Variants in TMTC1 observed in about 807,000 individuals in gnomAD.
TMTC1 encodes the protein transmembrane O-mannosyltransferase targeting cadherins 1, also known as protein O-mannosyl-transferase TMTC1.
In TMTC1, 73 loss-of-function variants were observed where a neutral mutation model predicts 104.8. That is an observed-to-expected ratio of 0.70 (90% CI 0.58 to 0.85). The LOEUF is 0.85. TMTC1 is among the 40% of genes least tolerant of loss of function. The pLI is 0.00. For missense variants in TMTC1, 1,035 were observed against 1,096.1 expected (o/e 0.94, Z 0.79); for synonymous variants, 434 against 428.7 (o/e 1.01, Z -0.15).
intron 6 of TMTC1, among the ~76,000 whole-genome samples, chr12:29,604,653 G>C (rs759247644): frequency 1.3e-5 from 2 of 152,144 alleles, no homozygotes; most frequent in Non-Finnish European, 2.9e-5. Context: ...CATTCTCAAA[G>C]AGCAAAGCAA....
chr12:29,647,238 T>TC (rs1232444411), intron 5 of TMTC1, among the ~76,000 whole-genome samples: 9 of 152,036 alleles, frequency 5.9e-5, no homozygotes, highest in Non-Finnish European at 1.3e-4. Flanking sequence ...CATGCTGGTC[T>TC]CAAACTCCTG....
At chr12:29,715,790 A>G (rs536176601) in intron 5 of TMTC1, among the ~76,000 whole-genome samples, 7 of 152,232 alleles carry the variant, frequency 4.6e-5, no homozygotes, top group African/African-American at 1.7e-4. Flanking sequence ...AGGAGAGAGA[A>G]TGAGTGCTGA....
Position 29,549,013 on chromosome 12 carries a change from ATAT to A in TMTC1, c.1676+7841_1676+7843del, listed in dbSNP as rs1165114785. Among the ~76,000 whole-genome samples the A allele has an allele frequency of 6.9e-5, 10 of 145,450 alleles. No homozygotes were observed. The Admixed American group carries it at 7.0e-4, about 10-fold the overall frequency. ...ATTAAATATATAAATTATATATTATATATTATATGTTATATATTTATATATTAT... is the reference window on the plus strand; with the variant it reads ...ATTAAATATATAAATTATATATTATATATATGTTATATATTTATATATTAT... On this transcript the variant is annotated intron_variant, in intron 10 of 17. Coordinates refer to ENST00000539277, the MANE Select transcript of TMTC1 (RefSeq NM_001193451.2).
chr12:29,732,064 G>T (rs1591986969), intron 5 of TMTC1, among the ~76,000 whole-genome samples: 2 of 152,152 alleles, frequency 1.3e-5, no homozygotes, highest in East Asian at 3.9e-4. Flanking sequence ...ATTAAGCATT[G>T]TTGTAACTTT....
intron 10 of TMTC1, among the ~76,000 whole-genome samples, chr12:29,537,007 T>C (rs1441545299): frequency 3.3e-5 from 5 of 152,178 alleles, no homozygotes; most frequent in Non-Finnish European, 5.9e-5. Flanking sequence ...TACCATTTTC[T>C]TGGGTAAAAG....
At chr12:29,776,719 T>C (rs1943716468) in intron 1 of TMTC1, among the ~76,000 whole-genome samples, 1 of 95,394 alleles carries the variant, frequency 1.0e-5, no homozygotes, top group Admixed American at 1.4e-4. Flanking sequence ...GGTAAGGAAA[T>C]AAGGGTAAAA....
chr12:29,697,538 T>C (rs1941460677), intron 5 of TMTC1, among the ~76,000 whole-genome samples: 1 of 152,180 alleles, frequency 6.6e-6, no homozygotes, highest in South Asian at 2.1e-4. Flanking sequence ...TAGAAAGAGA[T>C]TTATTAAAAG....
At chr12:29,547,933 T>A (rs1445025165) in intron 10 of TMTC1, among the ~76,000 whole-genome samples, 1 of 152,198 alleles carries the variant, frequency 6.6e-6, no homozygotes, top group Non-Finnish European at 1.5e-5. Flanking sequence ...ATCAACAGTG[T>A]CATATTCTTC....
At chr12:29,667,022 A>G (rs1015517899) in intron 5 of TMTC1, among the ~76,000 whole-genome samples, 5 of 152,208 alleles carry the variant, frequency 3.3e-5, no homozygotes, top group African/African-American at 1.2e-4. Context: ...CTCAAGAAAA[A>G]AGATTTCTCA....
chr12:29,555,134 C>CTTTTTTTTT (rs77513599), intron 10 of TMTC1, among the ~76,000 whole-genome samples: 8 of 88,202 alleles, frequency 9.1e-5, no homozygotes, highest in Admixed American at 1.8e-4. Context: ...TTCCAACATC[C>CTTTTTTTTT]TTTTTTTTTT....
At chr12:29,637,865 A>G (rs767965892) in intron 5 of TMTC1, among the ~76,000 whole-genome samples, 36 of 152,218 alleles carry the variant, frequency 2.4e-4, no homozygotes, top group Admixed American at 5.9e-4. Flanking sequence ...TTTACATAAA[A>G]AAGTTATTGC....
intron 5 of TMTC1, among the ~76,000 whole-genome samples, chr12:29,710,498 T>C (rs4032805): frequency 1 from 147,598 of 147,780 alleles, 73,708 homozygotes; most frequent in Middle Eastern, 1. Context: ...CTTTAGAAGA[T>C]GATTTTTAAA....
At chr12:29,548,827 G>T (rs1301399978) in intron 10 of TMTC1, among the ~76,000 whole-genome samples, 1 of 2,252 alleles carries the variant, frequency 4.4e-4, no homozygotes, top group Admixed American at 7.7e-3. Context: ...TATATTGCTT[G>T]ATTATATCAC....
At chr12:29,774,705 T>G (rs1943669665) in intron 1 of TMTC1, among the ~76,000 whole-genome samples, 1 of 152,246 alleles carries the variant, frequency 6.6e-6, no homozygotes, top group African/African-American at 2.4e-5. Flanking sequence ...CATCTGGTTC[T>G]TCTCATTTCT....
At chr12:29,567,390 A>C (rs1450287498) in intron 9 of TMTC1, among the ~76,000 whole-genome samples, 1 of 152,198 alleles carries the variant, frequency 6.6e-6, no homozygotes, top group Non-Finnish European at 1.5e-5. Flanking sequence ...ATGTGACTTA[A>C]ATTCGTTTTT....
At chr12:29,719,030 T>TA (rs1286093104) in intron 5 of TMTC1, among the ~76,000 whole-genome samples, 1 of 150,820 alleles carries the variant, frequency 6.6e-6, no homozygotes, top group Non-Finnish European at 1.5e-5. Context: ...GAAGAAATAA[T>TA]AAACAAGCCA....
chr12:29,696,515 G>A (rs1287001650), intron 5 of TMTC1, among the ~76,000 whole-genome samples: 2 of 152,008 alleles, frequency 1.3e-5, no homozygotes, highest in Non-Finnish European at 2.9e-5. Flanking sequence ...GAGAAACAGA[G>A]GAAAATTAAA....
At chr12:29,536,350 A>T (rs1238993089) in intron 10 of TMTC1, 33 bp from the exon 11 acceptor site, 1 of 1,311,358 alleles carries the variant, frequency 7.6e-7, no homozygotes, top group Non-Finnish European at 1.1e-6. Context: ...GGGGGAGAAC[A>T]TCTTTTAATA....
intron 5 of TMTC1, among the ~76,000 whole-genome samples, chr12:29,636,962 G>C (rs905045288): frequency 1.3e-5 from 2 of 151,948 alleles, no homozygotes; most frequent in African/African-American, 4.8e-5. Flanking sequence ...AGGCTGAGTT[G>C]AGAGGATGGA....
Sources: gnomAD v4.1 joint callset for allele counts (sites outside exome capture counted in the v4.1 genomes callset) on GRCh38, gnomAD v4.1.1 for gene constraint, MANE v1.5 for transcripts, NCBI Gene and HGNC (gene_info 2026-07-23, HGNC 2026-07-21) for gene names.